The following GRIK1 variants were observed in gnomAD, a reference collection of about 807,000 sequenced individuals.
GRIK1 encodes glutamate receptor ionotropic, kainate 1.
A neutral mutation model predicts 105.7 loss-of-function variants in GRIK1; 69 were observed. The observed-to-expected ratio is 0.65, with a 90% confidence interval of 0.54 to 0.80. The LOEUF is 0.80. GRIK1 is among the 30% of genes least tolerant of loss of function. The pLI is 0.00. For synonymous variants in GRIK1, 438 were observed against 431.3 expected (o/e 1.02, Z -0.19); for missense variants, 1,109 against 1,167.3 (o/e 0.95, Z 0.73).
rs536505146 is a variant in GRIK1, at chr21:29,774,113, C to T, written c.119-80050G>A. On this transcript the variant is annotated intron_variant, in intron 1 of 17. Coordinates refer to ENST00000327783, the MANE Select transcript of GRIK1 (RefSeq NM_001330994.2). ...CATTCATCTTCCTTCCCTACTGTACCCTTCAATTTCTTATTCTGCAGAGAA... is the reference window on the plus strand; with the variant it reads ...CATTCATCTTCCTTCCCTACTGTACTCTTCAATTTCTTATTCTGCAGAGAA... Among the ~76,000 whole-genome samples, 8 of 152,176 alleles carry T rather than the reference C, an allele frequency of 5.3e-5. No homozygotes were observed. In the South Asian group the frequency reaches 1.7e-3, roughly 32 times the overall value.
chr21:29,705,914 C>G, intron 1 of GRIK1, among the ~76,000 whole-genome samples: 1 of 148,506 alleles, frequency 6.7e-6, no homozygotes, highest in Non-Finnish European at 1.5e-5. Flanking sequence ...TGCTCTGTCA[C>G]CCAGGCTGCA....
intron 7 of GRIK1, among the ~76,000 whole-genome samples, chr21:29,607,027 A>G (rs1215754875): frequency 2.0e-5 from 3 of 152,168 alleles, no homozygotes; most frequent in African/African-American, 7.2e-5. Context: ...AGTAGTGGGT[A>G]TTTGACTGCT....
intron 1 of GRIK1, among the ~76,000 whole-genome samples, chr21:29,929,965 A>G (rs1390149999): frequency 1.3e-5 from 2 of 152,210 alleles, no homozygotes; most frequent in African/African-American, 4.8e-5. Context: ...AAATATACAC[A>G]ATGGAATACT....
intron 1 of GRIK1, among the ~76,000 whole-genome samples, chr21:29,728,050 A>C (rs2064515157): frequency 6.6e-6 from 1 of 152,158 alleles, no homozygotes; most frequent in Non-Finnish European, 1.5e-5. Flanking sequence ...CATTGAGGAG[A>C]GCAGTCTTCT....
chr21:29,852,546 G>A (rs1467322712), intron 1 of GRIK1, among the ~76,000 whole-genome samples: 2 of 152,120 alleles, frequency 1.3e-5, no homozygotes, highest in African/African-American at 4.8e-5. Context: ...ATACTCGAGT[G>A]CACTACTGAT....
intron 3 of GRIK1, among the ~76,000 whole-genome samples, chr21:29,689,293 A>G (rs973416855): frequency 1.3e-5 from 2 of 152,206 alleles, no homozygotes; most frequent in Non-Finnish European, 2.9e-5. Context: ...CTCTATTGGT[A>G]CAACCTCTAA....
intron 6 of GRIK1, among the ~76,000 whole-genome samples, chr21:29,645,248 A>G (rs1286298504): frequency 1.3e-5 from 2 of 152,226 alleles, no homozygotes; most frequent in Non-Finnish European, 2.9e-5. Context: ...TGTAGACATT[A>G]AGGGAAAGAG....
chr21:29,802,814 T>C (rs1250281460), intron 1 of GRIK1, among the ~76,000 whole-genome samples: 1 of 152,204 alleles, frequency 6.6e-6, no homozygotes, highest in African/African-American at 2.4e-5. Flanking sequence ...TATACTGACT[T>C]GTTTCCAAAA....
intron 1 of GRIK1, among the ~76,000 whole-genome samples, chr21:29,881,892 T>G (rs994279278): frequency 5.5e-4 from 83 of 152,274 alleles, no homozygotes; most frequent in African/African-American, 1.8e-3. Context: ...CTTTTACAAT[T>G]GACACATTTC....
chr21:29,656,500 A>G (rs1239196946), intron 4 of GRIK1, among the ~76,000 whole-genome samples: 3 of 151,664 alleles, frequency 2.0e-5, no homozygotes, highest in Non-Finnish European at 4.4e-5. Context: ...TATATCAAAG[A>G]CTCTTAGACA....
chr21:29,598,065 T>C (rs1009148695), intron 8 of GRIK1, among the ~76,000 whole-genome samples: 3 of 152,202 alleles, frequency 2.0e-5, no homozygotes, highest in Non-Finnish European at 2.9e-5. Flanking sequence ...GGGGTTTCAA[T>C]TGTTTTTCTA....
At chr21:29,628,451 T>C (rs2062183648) in intron 7 of GRIK1, among the ~76,000 whole-genome samples, 1 of 152,242 alleles carries the variant, frequency 6.6e-6, no homozygotes, top group African/African-American at 2.4e-5. Context: ...TAGCTTTTCT[T>C]GCCAATATTT....
chr21:29,553,212 T>G, intron 16 of GRIK1: 1 of 992,784 alleles, frequency 1.0e-6, no homozygotes, highest in Non-Finnish European at 1.2e-6. Context: ...GCATCGTGTT[T>G]CCATGCTTTG....
intron 1 of GRIK1, among the ~76,000 whole-genome samples, chr21:29,827,272 C>A (rs903328722): frequency 2.0e-5 from 3 of 151,906 alleles, no homozygotes; most frequent in African/African-American, 7.2e-5. Context: ...GAACTCAGGC[C>A]CTAGACAAAA....
intron 14 of GRIK1, among the ~76,000 whole-genome samples, chr21:29,576,758 G>A (rs971948340): frequency 2.0e-4 from 31 of 152,028 alleles, no homozygotes; most frequent in Admixed American, 4.6e-4. Context: ...ATGACACCTA[G>A]TTGGGGACCA....
intron 1 of GRIK1, among the ~76,000 whole-genome samples, chr21:29,868,174 C>G (rs1035691499): frequency 6.6e-6 from 1 of 152,092 alleles, no homozygotes. Flanking sequence ...GAAAAGACAC[C>G]AAAGCATTGT....
chr21:29,885,384 T>C (rs1339276297), intron 1 of GRIK1, among the ~76,000 whole-genome samples: 1 of 152,070 alleles, frequency 6.6e-6, no homozygotes, highest in African/African-American at 2.4e-5. Flanking sequence ...ACAGTGGGAC[T>C]CAGATGGATG....
At chr21:29,875,503 C>T (rs1037179042) in intron 1 of GRIK1, among the ~76,000 whole-genome samples, 2 of 152,122 alleles carry the variant, frequency 1.3e-5, no homozygotes, top group Admixed American at 6.5e-5. Context: ...GCATTTCCTA[C>T]GGACTTCAGC....
At chr21:29,742,378 G>A (rs898730277) in intron 1 of GRIK1, among the ~76,000 whole-genome samples, 2 of 152,172 alleles carry the variant, frequency 1.3e-5, no homozygotes, top group African/African-American at 4.8e-5. Context: ...TACTTGGATT[G>A]GAGACAAAGT....
Sources: gnomAD v4.1 joint callset for allele counts (sites outside exome capture counted in the v4.1 genomes callset) on GRCh38, gnomAD v4.1.1 for gene constraint, MANE v1.5 for transcripts, NCBI Gene and HGNC (gene_info 2026-07-23, HGNC 2026-07-21) for gene names.